The following ROBO2 variants were observed in gnomAD, a reference collection of about 807,000 sequenced individuals.
ROBO2 encodes the protein roundabout guidance receptor 2.
In ROBO2, 53 loss-of-function variants were observed where a neutral mutation model predicts 160.8. The ratio of observed to expected loss-of-function variants is 0.33; its 90% CI spans 0.26 to 0.41. The LOEUF is 0.41. Ranked by LOEUF, ROBO2 falls within the 10% of genes least tolerant of loss-of-function variation. The probability of loss-of-function intolerance (pLI) is 1.00; values close to 1 mark genes in which losing one functional copy is unlikely to be tolerated. For synonymous variants in ROBO2, 664 were observed against 611.7 expected (o/e 1.09, Z -1.26); for missense variants, 1,577 against 1,722.4 (o/e 0.92, Z 1.49).
chr3:76,049,397 A>ATTT (rs1559867112), intron 2 of ROBO2, among the ~76,000 whole-genome samples: 19 of 51,802 alleles, frequency 3.7e-4, no homozygotes, highest in African/African-American at 2.8e-3. Context: ...ATATATATAT[A>ATTT]TATATATTTT....
chr3:76,044,228 A>G (rs1306157541), intron 2 of ROBO2, among the ~76,000 whole-genome samples: 1 of 152,060 alleles, frequency 6.6e-6, no homozygotes, highest in East Asian at 1.9e-4. Flanking sequence ...ACAAGGACCA[A>G]AGCTGGAACC....
chr3:76,635,087 A>C (rs1488111724), intron 2 of ROBO2, among the ~76,000 whole-genome samples: 1 of 152,162 alleles, frequency 6.6e-6, no homozygotes, highest in African/African-American at 2.4e-5. Context: ...TAGCGCCAAA[A>C]TGTCGGGGAC....
intron 2 of ROBO2, among the ~76,000 whole-genome samples, chr3:77,102,142 C>T (rs1210325254): frequency 6.6e-6 from 1 of 152,228 alleles, no homozygotes; most frequent in Non-Finnish European, 1.5e-5. Flanking sequence ...GGGGACAGAA[C>T]AGCTGAAGAG....
chr3:76,322,164 G>GTATATGTA (rs2072588239), intron 2 of ROBO2, among the ~76,000 whole-genome samples: 1 of 108,156 alleles, frequency 9.2e-6, no homozygotes, highest in African/African-American at 4.5e-5. Context: ...TACTTCTTCC[G>GTATATGTA]TATATATATA....
At chr3:76,629,420 T>C (rs2089886770) in intron 2 of ROBO2, among the ~76,000 whole-genome samples, 1 of 152,088 alleles carries the variant, frequency 6.6e-6, no homozygotes, top group African/African-American at 2.4e-5. Context: ...CTCTGCAAGC[T>C]GAGGAGCAAA....
At chr3:77,225,489 A>AC (rs1560283703) in intron 2 of ROBO2, among the ~76,000 whole-genome samples, 1 of 150,862 alleles carries the variant, frequency 6.6e-6, no homozygotes, top group Non-Finnish European at 1.5e-5. Flanking sequence ...AAGTCTTGTT[A>AC]TTTTTTTTTC....
intron 2 of ROBO2, among the ~76,000 whole-genome samples, chr3:76,407,418 A>T (rs895718021): frequency 6.6e-6 from 1 of 151,964 alleles, no homozygotes; most frequent in African/African-American, 2.4e-5. Context: ...GTTTTTAATT[A>T]AGTCACCAGT....
intron 2 of ROBO2, among the ~76,000 whole-genome samples, chr3:76,939,737 T>C (rs1398930415): frequency 6.6e-6 from 1 of 151,942 alleles, no homozygotes; most frequent in Non-Finnish European, 1.5e-5. Context: ...TGAGCTGAGA[T>C]TTTGCTGCTG....
chr3:77,334,721 T>A (rs1238918573), intron 2 of ROBO2, among the ~76,000 whole-genome samples: 4 of 142,914 alleles, frequency 2.8e-5, no homozygotes, highest in African/African-American at 9.7e-5. Flanking sequence ...AAACACAAGC[T>A]CTTTTTCAGG....
intron 2 of ROBO2, among the ~76,000 whole-genome samples, chr3:77,023,031 A>G (rs1342195795): frequency 1.1e-4 from 16 of 152,122 alleles, no homozygotes; most frequent in Admixed American, 1.0e-3. Context: ...TCTCATATAT[A>G]CAATGGACAT....
intron 2 of ROBO2, among the ~76,000 whole-genome samples, chr3:76,953,217 C>G (rs1315540024): frequency 6.6e-6 from 1 of 152,132 alleles, no homozygotes; most frequent in Non-Finnish European, 1.5e-5. Context: ...TTGAAGGTCG[C>G]ACACACAAAG....
intron 2 of ROBO2, among the ~76,000 whole-genome samples, chr3:77,445,798 T>TC: frequency 6.9e-6 from 1 of 144,884 alleles, no homozygotes; most frequent in Non-Finnish European, 1.5e-5. Context: ...TTTTTTGTTT[T>TC]TTTTTTTTTT....
chr3:76,579,640 G>C (rs1167966043), intron 2 of ROBO2, among the ~76,000 whole-genome samples: 1 of 151,984 alleles, frequency 6.6e-6, no homozygotes, highest in African/African-American at 2.4e-5. Flanking sequence ...TCATATGTTT[G>C]AGGGGAAGTT....
chr3:77,013,404 C>A (rs1222919200), intron 2 of ROBO2, among the ~76,000 whole-genome samples: 2 of 151,438 alleles, frequency 1.3e-5, no homozygotes, highest in East Asian at 3.9e-4. Context: ...GGTTGTGAGG[C>A]AAAAAAGAAG....
At chr3:75,949,256 T>G (rs2107169793) in intron 2 of ROBO2, among the ~76,000 whole-genome samples, 1 of 152,184 alleles carries the variant, frequency 6.6e-6, no homozygotes, top group South Asian at 2.1e-4. Flanking sequence ...TCACTTCTCA[T>G]CTTTATTTCT....
At chr3:76,425,921 TCA>T (rs1312706084) in intron 2 of ROBO2, among the ~76,000 whole-genome samples, 1 of 152,302 alleles carries the variant, frequency 6.6e-6, no homozygotes, top group African/African-American at 2.4e-5. Context: ...GAGTTTTTAG[TCA>T]CAGTTTCCCA....
chr3:77,464,506 G>A (rs2082565333), intron 2 of ROBO2, among the ~76,000 whole-genome samples: 1 of 152,170 alleles, frequency 6.6e-6, no homozygotes, highest in African/African-American at 2.4e-5. Flanking sequence ...AGAAGAGGCT[G>A]TAGAGACAAT....
intron 6 of ROBO2, among the ~76,000 whole-genome samples, chr3:77,530,817 A>G (rs2091660982): frequency 6.6e-6 from 1 of 152,036 alleles, no homozygotes; most frequent in Non-Finnish European, 1.5e-5. Context: ...GTTAACTATG[A>G]ATGCTGAAAT....
chr3:77,269,399 C>T (rs2059344349), intron 2 of ROBO2, among the ~76,000 whole-genome samples: 1 of 152,168 alleles, frequency 6.6e-6, no homozygotes, highest in East Asian at 1.9e-4. Flanking sequence ...AATTGAATCT[C>T]AATAATTTAA....
Sources: allele counts gnomAD v4.1 joint callset (sites outside exome capture counted in the v4.1 genomes callset), GRCh38; gene constraint gnomAD v4.1.1; transcripts MANE v1.5; gene names NCBI Gene and HGNC (gene_info 2026-07-23, HGNC 2026-07-21).